ADARB1: variants seen among roughly 807,000 people sequenced by gnomAD.
ADARB1 encodes the protein double-stranded RNA-specific editase 1.
In ADARB1, 10 loss-of-function variants were observed where a neutral mutation model predicts 52.4. The observed-to-expected ratio is 0.19, with a 90% CI of 0.12 to 0.32. The LOEUF (loss-of-function observed/expected upper bound fraction) is 0.32. Ranked by LOEUF, ADARB1 falls within the 10% of genes least tolerant of loss-of-function variation. The probability of loss-of-function intolerance (pLI) is 1.00; values close to 1 mark genes in which losing one functional copy is unlikely to be tolerated. For missense variants in ADARB1, 643 were observed against 922.3 expected (o/e 0.70, Z 3.92); for synonymous variants, 349 against 371.1 (o/e 0.94, Z 0.68).
intron 1 of ADARB1, chr21:45,120,759 G>C (rs1486657672): frequency 6.6e-6 from 1 of 152,188 alleles, no homozygotes; most frequent in Non-Finnish European, 1.5e-5. Flanking sequence ...CATTTTATCA[G>C]CTTTCTTTAT....
chr21:45,126,690 A>G (rs759027249), intron 1 of ADARB1, among the ~76,000 whole-genome samples: 26 of 151,162 alleles, frequency 1.7e-4, no homozygotes, highest in Admixed American at 4.6e-4. Flanking sequence ...TTTTCCTGAA[A>G]CCCCTTGCAA....
chr21:45,224,939 CTCCA>C lies in ADARB1; in HGVS notation c.*2747_*2750del. 7.1e-6 allele frequency: 7 copies of C among 982,746 alleles called. No homozygotes were observed. The highest frequency in any genetic ancestry group is 8.4e-6 in the Non-Finnish European group (7 of 829,646). 60.9% of individuals were successfully genotyped at this position (982,746 alleles called of 1,614,324 possible). ...ATAGCTGTTTCATTGACGTGTCACT[CTCCA>C]TCCAGTGTCCTTGATGTGGCTTTTA... is the stretch of plus-strand genomic sequence containing the variant. On this transcript the variant is annotated 3_prime_UTR_variant, in exon 11 of 11. Coordinates refer to ENST00000348831, the MANE Select transcript of ADARB1 (RefSeq NM_001112.4).
chr21:45,214,018 G>A (rs1408805615), intron 9 of ADARB1, among the ~76,000 whole-genome samples: 4 of 152,188 alleles, frequency 2.6e-5, no homozygotes, highest in East Asian at 1.9e-4. Context: ...ACTAGTGTGC[G>A]GGAGTTGTAG....
rs565242282 is a variant in ADARB1, at chr21:45,101,762, A to G, written c.-219-26640A>G. On this transcript the variant is annotated intron_variant, in intron 1 of 10. Transcript: ENST00000348831. Reference sequence around the variant, plus strand: ...GGAGTTTTTGAATGCTGGGTATGTTAGCACACCAGTCTTGCTGACTATTAC... The same window carrying G: ...GGAGTTTTTGAATGCTGGGTATGTTGGCACACCAGTCTTGCTGACTATTAC... Among the ~76,000 whole-genome samples the G allele has an allele frequency of 4.9e-4, 74 of 152,374 alleles. 1 individual carries two copies. Among genetic ancestry groups the G allele is most frequent in the African/African-American group, 1.8e-3 (73 of 41,602 alleles).
chr21:45,094,025 A>T (rs421643), intron 1 of ADARB1, among the ~76,000 whole-genome samples: 1 of 152,122 alleles, frequency 6.6e-6, no homozygotes, highest in Non-Finnish European at 1.5e-5. Context: ...CATCCTGATT[A>T]TAACTTTTTT....
intron 8 of ADARB1, among the ~76,000 whole-genome samples, chr21:45,189,000 A>G (rs1345511171): frequency 6.6e-6 from 1 of 151,344 alleles, no homozygotes; most frequent in Non-Finnish European, 1.5e-5. Flanking sequence ...GTGCAGGGAA[A>G]CTCCCCTTTA....
chr21:45,109,234 T>C (rs1647177968), intron 1 of ADARB1, among the ~76,000 whole-genome samples: 1 of 147,720 alleles, frequency 6.8e-6, no homozygotes, highest in African/African-American at 2.5e-5. Context: ...CTTGTGTGTA[T>C]ATGTGTGTGC....
chr21:45,180,451 A>G lies in ADARB1; in HGVS notation c.1078+7A>G. The G allele has an allele frequency of 3.7e-6, 6 of 1,606,892 alleles. No homozygotes were observed. Among genetic ancestry groups the G allele is most frequent in the South Asian group, 1.1e-5 (1 of 90,648 alleles). ...GGAGTCGTCATGACAACAGGTAACC[A>G]TCTTGGTGTTGTATGTAACCCTGCC... On this transcript the variant is annotated splice_region_variant and intron_variant, in intron 5 of 10. Transcript: ENST00000348831.
chr21:45,131,867 T>TC (rs1228045659), intron 2 of ADARB1, among the ~76,000 whole-genome samples: 1 of 152,214 alleles, frequency 6.6e-6, no homozygotes, highest in Non-Finnish European at 1.5e-5. Flanking sequence ...CTGACCTCTG[T>TC]CCTGGTGCCT....
chr21:45,076,177 C>G (rs113274468), intron 1 of ADARB1, among the ~76,000 whole-genome samples: 180 of 152,252 alleles, frequency 1.2e-3, no homozygotes, highest in African/African-American at 4.3e-3. Context: ...GAGGGTTTCC[C>G]AGAGGGGAAA....
At chr21:45,126,719 C>T (rs1230482624) in intron 1 of ADARB1, among the ~76,000 whole-genome samples, 1 of 152,170 alleles carries the variant, frequency 6.6e-6, no homozygotes, top group Non-Finnish European at 1.5e-5. Context: ...GCAAGTATGG[C>T]AGTTTTACCT....
chr21:45,216,714 G>A (rs2092869314), intron 9 of ADARB1, among the ~76,000 whole-genome samples: 1 of 151,884 alleles, frequency 6.6e-6, no homozygotes, highest in African/African-American at 2.4e-5. Context: ...ATGTTGATTA[G>A]GCCAAGTTGT....
At chr21:45,206,661 C>T in intron 9 of ADARB1, among the ~76,000 whole-genome samples, 1 of 137,156 alleles carries the variant, frequency 7.3e-6, no homozygotes, top group African/African-American at 2.7e-5. Flanking sequence ...GCAGCCTCCA[C>T]TTCCCAGGTT....
At chr21:45,174,484 C>G (rs1482227573) in intron 3 of ADARB1, among the ~76,000 whole-genome samples, 1 of 152,182 alleles carries the variant, frequency 6.6e-6, no homozygotes, top group Non-Finnish European at 1.5e-5. Context: ...AGGCGGATCA[C>G]CTGAGGTCAG....
rs113315768 is a variant in ADARB1 at position 45,085,942 on chromosome 21, AT to A, written c.-220+11150del. Among the ~76,000 whole-genome samples, 698 of 152,276 alleles carry A rather than the reference AT, an allele frequency of 4.6e-3. 8 individuals carry two copies. The highest frequency in any genetic ancestry group is 0.016 in the African/African-American group (654 of 41,550). ...CACGAATCAGCCATAGGCACGTGTT[AT>A]GTGTGGCACAGGCAAGAAGTGCCTG... On this transcript the variant is annotated intron_variant, in intron 1 of 10. Coordinates refer to ENST00000348831, the MANE Select transcript of ADARB1 (RefSeq NM_001112.4).
At chr21:45,187,303 C>T (rs995447210) in intron 8 of ADARB1, among the ~76,000 whole-genome samples, 6 of 152,060 alleles carry the variant, frequency 3.9e-5, no homozygotes, top group Admixed American at 6.5e-5. Flanking sequence ...TCTTAATTCC[C>T]TTTTCAGATC....
intron 1 of ADARB1, among the ~76,000 whole-genome samples, chr21:45,096,087 C>T (rs940497694): frequency 2.0e-5 from 3 of 152,230 alleles, no homozygotes; most frequent in African/African-American, 7.2e-5. Context: ...GTTTGCTAAT[C>T]CTTTATCCCA....
rs1164957217 is a variant in ADARB1, at chr21:45,223,012, G to A, written c.*815G>A. On this transcript the variant is annotated 3_prime_UTR_variant, in exon 11 of 11. Coordinates refer to ENST00000348831, the MANE Select transcript of ADARB1 (RefSeq NM_001112.4). Reference sequence around the variant, plus strand: ...AGTAATCACAGATAATACATGGCCAGTAATCCCAGGCTGGCCATTCATTCA... The same window carrying A: ...AGTAATCACAGATAATACATGGCCAATAATCCCAGGCTGGCCATTCATTCA... 1.0e-6 allele frequency: 1 copy of A among 985,336 alleles called. No individual in the cohort carries two copies. The highest frequency in any genetic ancestry group is 6.1e-5 in the Admixed American group (1 of 16,270). 61.0% of individuals were successfully genotyped at this position (985,336 alleles called of 1,614,324 possible).
rs1295079331 is a variant in ADARB1, at chr21:45,074,711, G to C, written c.-302G>C. The C allele has an allele frequency of 1.4e-5, 2 of 146,310 alleles. No individual in the cohort carries two copies. Among genetic ancestry groups the C allele is most frequent in the Admixed American group, 6.8e-5 (1 of 14,730 alleles). The allele number at this position is 146,310 out of a possible 1,614,324, so 9.1% of individuals were successfully genotyped here. On this transcript the variant is annotated 5_prime_UTR_variant, in exon 1 of 11. Transcript: ENST00000348831. ...CGCGCCGCTGCGCACAACCAACGAG[G>C]CAGAGCGCCGCCCGGCGCGAGACTG... is the stretch of plus-strand genomic sequence containing the variant.
Sources: gnomAD v4.1 joint callset for allele counts (sites outside exome capture counted in the v4.1 genomes callset) on GRCh38, gnomAD v4.1.1 for gene constraint, MANE v1.5 for transcripts, NCBI Gene and HGNC (gene_info 2026-07-23, HGNC 2026-07-21) for gene names.